Variants in ATXN8OS observed in about 807,000 individuals in gnomAD.
ATXN8OS encodes ATXN8 opposite strand lncRNA, also known as ATXN8 opposite strand (non-protein coding).
chr13:70,132,777 G>A (rs1455377765), intron 3 of ATXN8OS, among the ~76,000 whole-genome samples: 1 of 152,016 alleles, frequency 6.6e-6, no homozygotes, highest in Non-Finnish European at 1.5e-5. Flanking sequence ...ATTCAATAAT[G>A]AACATTTGAC....
intron 4 of ATXN8OS, among the ~76,000 whole-genome samples, chr13:70,151,384 G>A (rs532322769): frequency 1.8e-4 from 28 of 152,140 alleles, no homozygotes; most frequent in African/African-American, 6.7e-4. Context: ...AAATCATACA[G>A]TATTTGTCTT....
At chr13:70,144,837 AG>A (rs751843121) in intron 3 of ATXN8OS, among the ~76,000 whole-genome samples, 8 of 152,144 alleles carry the variant, frequency 5.3e-5, no homozygotes, top group Non-Finnish European at 1.2e-4. Flanking sequence ...CCTTACATTT[AG>A]ATCTGTGATA....
At chr13:70,160,005 T>C (rs1593777412) in intron 4 of ATXN8OS, among the ~76,000 whole-genome samples, 1 of 152,240 alleles carries the variant, frequency 6.6e-6, no homozygotes, top group Non-Finnish European at 1.5e-5. Context: ...GTACAGATTA[T>C]TGCATGAACA....
At chr13:70,138,587 A>C (rs1888652111) in intron 3 of ATXN8OS, among the ~76,000 whole-genome samples, 1 of 152,100 alleles carries the variant, frequency 6.6e-6, no homozygotes, top group African/African-American at 2.4e-5. Context: ...AATATTTGGC[A>C]GTTTTGTTCA....
intron 4 of ATXN8OS, among the ~76,000 whole-genome samples, chr13:70,169,638 T>C (rs1007576976): frequency 6.6e-6 from 1 of 152,038 alleles, no homozygotes; most frequent in Non-Finnish European, 1.5e-5. Flanking sequence ...AGTAAACTGA[T>C]GATCTGTTTA....
intron 4 of ATXN8OS, among the ~76,000 whole-genome samples, chr13:70,165,637 A>T (rs1347870436): frequency 1.3e-5 from 2 of 152,028 alleles, no homozygotes; most frequent in African/African-American, 2.4e-5. Context: ...GAGGAAAAAA[A>T]CTAAAAATAG....
Position 70,143,933 on chromosome 13 carries a change from C to T in ATXN8OS, n.500-3422C>T, listed in dbSNP as rs114546392. On this transcript the variant is annotated intron_variant and non_coding_transcript_variant, in intron 3 of 4. Transcript: ENST00000678624. Reference sequence around the variant, plus strand: ...GAAGATTAAAATAAATTCTTATTTACGAATTTTGTTTTTATGTATAGCCAA... The same window carrying T: ...GAAGATTAAAATAAATTCTTATTTATGAATTTTGTTTTTATGTATAGCCAA... 7.7e-3 allele frequency among the ~76,000 whole-genome samples: 1,165 copies of T among 151,976 alleles called. 16 individuals are homozygous for T. Among genetic ancestry groups the T allele is most frequent in the African/African-American group, 0.024 (1,006 of 41,484 alleles).
intron 4 of ATXN8OS, among the ~76,000 whole-genome samples, chr13:70,160,397 G>A (rs1888993144): frequency 6.6e-6 from 1 of 151,956 alleles, no homozygotes. Flanking sequence ...CAGAAGCTAA[G>A]CAGTCCAAGA....
chr13:70,107,773 G>A (rs1489249884), upstream of ATXN8OS: 3 of 1,171,412 alleles, frequency 2.6e-6, no homozygotes, highest in African/African-American at 3.1e-5. Context: ...GGAGGACAGC[G>A]GGGCCCGGGG....
chr13:70,157,239 A>C (rs1888948901), intron 4 of ATXN8OS, among the ~76,000 whole-genome samples: 1 of 152,162 alleles, frequency 6.6e-6, no homozygotes, highest in African/African-American at 2.4e-5. Flanking sequence ...CTTTACATGA[A>C]CTATATCTAT....
At chr13:70,143,044 G>A (rs2137493777) in intron 3 of ATXN8OS, among the ~76,000 whole-genome samples, 1 of 149,710 alleles carries the variant, frequency 6.7e-6, no homozygotes, top group Admixed American at 6.7e-5. Context: ...TTGCACTCCA[G>A]CAACAACAGT....
At chr13:70,117,018 G>A (rs984482838) in intron 2 of ATXN8OS, among the ~76,000 whole-genome samples, 5 of 151,964 alleles carry the variant, frequency 3.3e-5, no homozygotes, top group African/African-American at 1.2e-4. Context: ...GGTCTTCCTC[G>A]GCTATATATT....
chr13:70,124,444 G>A (rs1453194679), intron 2 of ATXN8OS, among the ~76,000 whole-genome samples: 2 of 152,114 alleles, frequency 1.3e-5, no homozygotes, highest in Non-Finnish European at 2.9e-5. Flanking sequence ...AAGCCTCTCT[G>A]ATAAGATGAC....
intron 4 of ATXN8OS, among the ~76,000 whole-genome samples, chr13:70,158,151 G>A (rs1888959682): frequency 6.6e-6 from 1 of 152,184 alleles, no homozygotes; most frequent in Non-Finnish European, 1.5e-5. Context: ...CTGGCGTGGT[G>A]GCTCACACCT....
intron 4 of ATXN8OS, among the ~76,000 whole-genome samples, chr13:70,150,931 G>A (rs531060573): frequency 6.6e-5 from 10 of 152,074 alleles, no homozygotes; most frequent in Non-Finnish European, 8.8e-5. Context: ...AAGAAGGTTC[G>A]TGGCAAAGCA....
chr13:70,116,751 AG>A lies in ATXN8OS; in HGVS notation n.398+1454del, dbSNP rs1888285293. Reference sequence around the variant, plus strand: ...AACAGAAGAAAGCAAGGTAGAGAAAAGAAAAACAATGGACAGACTATAGAAT... The same window carrying A: ...AACAGAAGAAAGCAAGGTAGAGAAAAAAAAACAATGGACAGACTATAGAAT... On this transcript the variant is annotated intron_variant and non_coding_transcript_variant, in intron 2 of 4. Coordinates refer to ENST00000678624, the Ensembl canonical transcript of ATXN8OS. Among the ~76,000 whole-genome samples, 6 of 152,282 alleles carry A rather than the reference AG, an allele frequency of 3.9e-5. No homozygotes were observed. In the South Asian group the frequency reaches 1.2e-3, roughly 32 times the overall value.
chr13:70,117,856 TA>T (rs34796266), intron 2 of ATXN8OS, among the ~76,000 whole-genome samples: 109,441 of 151,710 alleles, frequency 0.72, 39,745 homozygotes, highest in South Asian at 0.85. Context: ...TATATTGTTG[TA>T]AAAAAAAGTT....
At chr13:70,166,718 C>T (rs1889080618) in intron 4 of ATXN8OS, among the ~76,000 whole-genome samples, 1 of 152,088 alleles carries the variant, frequency 6.6e-6, no homozygotes. Context: ...AAACTACCAT[C>T]AGAGTGAAAA....
intron 4 of ATXN8OS, among the ~76,000 whole-genome samples, chr13:70,150,764 G>A (rs1203913426): frequency 6.6e-6 from 1 of 152,056 alleles, no homozygotes; most frequent in Non-Finnish European, 1.5e-5. Context: ...TACTACAGGA[G>A]TTATCAAATT....
Sources: gnomAD v4.1 joint callset for allele counts (sites outside exome capture counted in the v4.1 genomes callset) on GRCh38, gnomAD v4.1.1 for gene constraint, MANE v1.5 for transcripts, NCBI Gene and HGNC (gene_info 2026-07-23, HGNC 2026-07-21) for gene names.